SYT14: variants seen among roughly 807,000 people sequenced by gnomAD.
SYT14 encodes the protein synaptotagmin-14.
SYT14 carries 32 observed loss-of-function variants against 74.2 expected under a neutral mutation model. That is an observed-to-expected ratio of 0.43 (90% confidence interval 0.33 to 0.58). The LOEUF (loss-of-function observed/expected upper bound fraction) is 0.58. Ranked by LOEUF, SYT14 falls within the 20% of genes least tolerant of loss-of-function variation. SYT14 has a pLI of 0.05. For missense variants in SYT14, 791 were observed against 981.8 expected, an observed-to-expected ratio of 0.81 and a Z score of 2.60; for synonymous variants, 298 against 337.7, an observed-to-expected ratio of 0.88 and a Z score of 1.29.
rs561069342 is a variant in SYT14, at chr1:210,052,665, C to CAAAAA, written c.1312+31426_1312+31430dup. ...CAGCAAGAGCGAAACTACATCTCACCAAAAAAAAAAAAAAAAAAAGCTCTC... is the reference window on the plus strand; with the variant it reads ...CAGCAAGAGCGAAACTACATCTCACCAAAAAAAAAAAAAAAAAAAAAAAAGCTCTC... On this transcript the variant is annotated intron_variant, in intron 5 of 9. Coordinates refer to ENST00000637265, the Ensembl canonical transcript of SYT14. Among the ~76,000 whole-genome samples, 960 of 42,174 alleles carry CAAAAA rather than the reference C, an allele frequency of 0.023. 91 individuals carry two copies. In the East Asian group the frequency reaches 0.26, roughly 11 times the overall value. The allele number at this position is 42,174 out of a possible 152,430, so 27.7% of individuals were successfully genotyped here. A position where few individuals can be genotyped will look rare whatever the true frequency, so the allele number is the denominator to read the frequency against.
chr1:210,010,682 G>A (rs1462502101), intron 2 of SYT14, among the ~76,000 whole-genome samples: 1 of 152,020 alleles, frequency 6.6e-6, no homozygotes, highest in African/African-American at 2.4e-5. Context: ...GAATTTTAGG[G>A]CAAGAGAAAG....
intron 1 of SYT14, among the ~76,000 whole-genome samples, chr1:209,949,497 C>T (rs2078877297): frequency 6.7e-6 from 1 of 149,636 alleles, no homozygotes; most frequent in South Asian, 2.1e-4. Flanking sequence ...TGCTTGAACC[C>T]GGGAGGCAGA....
chr1:209,943,179 A>G (rs935527653), intron 1 of SYT14, among the ~76,000 whole-genome samples: 2 of 152,212 alleles, frequency 1.3e-5, no homozygotes, highest in Non-Finnish European at 1.5e-5. Context: ...ACAAAATTAG[A>G]AACACTTAGC....
intron 2 of SYT14, among the ~76,000 whole-genome samples, chr1:209,977,985 C>T (rs1027345857): frequency 1.3e-5 from 2 of 152,156 alleles, no homozygotes. Context: ...CCCTTTCTTC[C>T]AGTTAATAGA....
At chr1:209,940,781 C>T (rs2078717786) in intron 1 of SYT14, among the ~76,000 whole-genome samples, 1 of 152,190 alleles carries the variant, frequency 6.6e-6, no homozygotes, top group Admixed American at 6.5e-5. Flanking sequence ...ATATCCACTT[C>T]CCTCCTCTGG....
intron 7 of SYT14, among the ~76,000 whole-genome samples, chr1:210,101,461 C>T (rs938864177): frequency 2.6e-5 from 4 of 152,084 alleles, no homozygotes; most frequent in African/African-American, 9.7e-5. Context: ...GACCTTGATT[C>T]ACAGTCAACA....
At chr1:210,005,971 A>C (rs2079981127) in intron 2 of SYT14, among the ~76,000 whole-genome samples, 1 of 151,938 alleles carries the variant, frequency 6.6e-6, no homozygotes, top group African/African-American at 2.4e-5. Flanking sequence ...GAGGGAATAC[A>C]GGTTCAATCT....
At chr1:210,046,422 A>T (rs1558151330) in intron 5 of SYT14, among the ~76,000 whole-genome samples, 1 of 150,754 alleles carries the variant, frequency 6.6e-6, no homozygotes, top group Non-Finnish European at 1.5e-5. Flanking sequence ...CAAGTCAATG[A>T]TTTTTTTTTT....
chr1:210,093,715 C>T (rs1213582010), intron 5 of SYT14, among the ~76,000 whole-genome samples: 3 of 151,896 alleles, frequency 2.0e-5, no homozygotes, highest in Admixed American at 6.6e-5. Context: ...ACACAGCCTC[C>T]AGTCTTTGCA....
At chr1:210,162,984 C>A in exon 10 of SYT14, 1 of 452,532 alleles carries the variant, frequency 2.2e-6, no homozygotes, top group Non-Finnish European at 4.4e-6. Context: ...GGCAAAATAT[C>A]TCATTTAAGT....
chr1:210,027,375 A>G (rs111941777), intron 5 of SYT14, among the ~76,000 whole-genome samples: 7 of 151,768 alleles, frequency 4.6e-5, no homozygotes, highest in African/African-American at 9.7e-5. Flanking sequence ...TGATCATGCA[A>G]CTACACTCCA....
chr1:209,999,936 C>A (rs571833504), intron 2 of SYT14, among the ~76,000 whole-genome samples: 4 of 152,218 alleles, frequency 2.6e-5, no homozygotes, highest in Non-Finnish European at 5.9e-5. Context: ...ATGATAAATA[C>A]CTGAGGTGAT....
intron 2 of SYT14, among the ~76,000 whole-genome samples, chr1:209,968,127 T>G (rs2079184369): frequency 6.6e-6 from 1 of 152,088 alleles, no homozygotes; most frequent in Non-Finnish European, 1.5e-5. Context: ...CACAATCAGG[T>G]GCTTATATCT....
At chr1:210,010,366 C>T (rs2102910091) in intron 2 of SYT14, among the ~76,000 whole-genome samples, 1 of 152,172 alleles carries the variant, frequency 6.6e-6, no homozygotes, top group African/African-American at 2.4e-5. Flanking sequence ...TGGTGCTGTC[C>T]TAGGTACTTT....
At chr1:210,093,425 G>C (rs2081912585) in intron 5 of SYT14, among the ~76,000 whole-genome samples, 1 of 147,862 alleles carries the variant, frequency 6.8e-6, no homozygotes, top group Non-Finnish European at 1.5e-5. Flanking sequence ...TATCTACAAA[G>C]ACTTAGCTGT....
chr1:210,150,568 G>A (rs939091291), intron 7 of SYT14, among the ~76,000 whole-genome samples: 2 of 152,144 alleles, frequency 1.3e-5, no homozygotes, highest in African/African-American at 4.8e-5. Context: ...ATCATTAGCG[G>A]CAGCTCTAAC....
intron 7 of SYT14, among the ~76,000 whole-genome samples, chr1:210,121,518 G>T (rs964492574): frequency 6.6e-6 from 1 of 152,174 alleles, no homozygotes; most frequent in Non-Finnish European, 1.5e-5. Context: ...AGTAGGGCCA[G>T]GCGCGGTGGC....
intron 5 of SYT14, among the ~76,000 whole-genome samples, chr1:210,092,250 T>C (rs2081882474): frequency 6.6e-6 from 1 of 152,200 alleles, no homozygotes; most frequent in Admixed American, 6.5e-5. Flanking sequence ...TACCGGGCTT[T>C]TCATTTTCCT....
At chr1:210,044,132 T>A (rs941533407) in intron 5 of SYT14, among the ~76,000 whole-genome samples, 2 of 152,176 alleles carry the variant, frequency 1.3e-5, no homozygotes, top group African/African-American at 4.8e-5. Flanking sequence ...GGTGCCAATG[T>A]CGTAAATAGA....
Sources: allele counts gnomAD v4.1 joint callset (sites outside exome capture counted in the v4.1 genomes callset), GRCh38; gene constraint gnomAD v4.1.1; transcripts MANE v1.5; gene names NCBI Gene and HGNC (gene_info 2026-07-23, HGNC 2026-07-21).